TBC1D23: variants seen among roughly 807,000 people sequenced by gnomAD.
TBC1D23 encodes TBC1 domain family member 23.
Under a neutral mutation model 91.4 loss-of-function variants are expected in TBC1D23, and 55 were observed. That is an observed-to-expected ratio of 0.60 (90% CI 0.48 to 0.75). The LOEUF is 0.75. Among genes scored for constraint, TBC1D23 ranks in the 30% least tolerant of loss-of-function variants. The probability of loss-of-function intolerance (pLI) is 0.00; values close to 1 mark genes in which losing one functional copy is unlikely to be tolerated. For synonymous variants in TBC1D23, 289 were observed against 281.0 expected, an observed-to-expected ratio of 1.03 and a Z score of -0.28; for missense variants, 725 against 836.1, an observed-to-expected ratio of 0.87 and a Z score of 1.64.
intron 4 of TBC1D23, among the ~76,000 whole-genome samples, chr3:100,285,835 T>C (rs2067736933): frequency 1.3e-5 from 2 of 152,246 alleles, no homozygotes; most frequent in South Asian, 2.1e-4. Context: ...AGCATCTTTT[T>C]ATGTGTTTAT....
intron 1 of TBC1D23, among the ~76,000 whole-genome samples, chr3:100,269,324 T>C (rs1165445457): frequency 6.6e-6 from 1 of 152,250 alleles, no homozygotes. Context: ...CTGGTCCTAA[T>C]GCAAAATTTT....
intron 15 of TBC1D23, among the ~76,000 whole-genome samples, chr3:100,312,700 A>C (rs534204426): frequency 6.6e-6 from 1 of 152,142 alleles, no homozygotes; most frequent in Non-Finnish European, 1.5e-5. Context: ...TTAAAAAGAA[A>C]TTCTATAAAT....
Position 100,323,632 on chromosome 3 carries a change from GC to G in TBC1D23, c.2065del (p.Gln689ArgfsTer3). 1 of 1,537,832 alleles carries G rather than the reference GC, an allele frequency of 6.5e-7. No individual in the cohort carries two copies. The highest frequency in any genetic ancestry group is 8.7e-7 in the Non-Finnish European group (1 of 1,143,632). ...GGGATGCAACTAAAGCCATAAAACA[GC>G]AGATCATGAAAGTTTTGGATGCTTT... Reference protein sequence around the residue: ...AGDATKAIKQQIMKVLDALES With the variant: ...AGDATKAIKQXIMKVLDALES On this transcript the variant is annotated frameshift_variant, in exon 19 of 19. Transcript: ENST00000394144. LOFTEE classifies it high-confidence loss of function.
rs147544526 is a variant in TBC1D23, at chr3:100,266,563, C to A, written c.53+5492C>A. Among the ~76,000 whole-genome samples, 7 of 152,312 alleles carry A rather than the reference C, an allele frequency of 4.6e-5. No individual in the cohort carries two copies. In the East Asian group the frequency reaches 9.6e-4, roughly 21 times the overall value. On this transcript the variant is annotated intron_variant, in intron 1 of 18. Transcript: ENST00000394144. ...GGACTACAGGCATGAGCCACTGCACCCAGCCTAAAGGTAATTCTTAGGTAA... is the reference window on the plus strand; with the variant it reads ...GGACTACAGGCATGAGCCACTGCACACAGCCTAAAGGTAATTCTTAGGTAA...
chr3:100,304,530 T>C (rs1351167165), intron 11 of TBC1D23, among the ~76,000 whole-genome samples: 1 of 152,212 alleles, frequency 6.6e-6, no homozygotes, highest in African/African-American at 2.4e-5. Flanking sequence ...AAAATCACTC[T>C]GATTACATCC....
At position 100,319,919 on chromosome 3, in the gene TBC1D23, A is replaced by G. The variant is rs139796955; in HGVS notation, c.1823+715A>G. Among the ~76,000 whole-genome samples the G allele has an allele frequency of 4.7e-3, 713 of 152,186 alleles. 2 individuals carry two copies. The highest frequency in any genetic ancestry group is 6.4e-3 in the Non-Finnish European group (433 of 68,026). ...TATGAGCATTCTCCTGCACAACTTCAATGCCATTACCCCACCTAAAAATTT... is the reference window on the plus strand; with the variant it reads ...TATGAGCATTCTCCTGCACAACTTCGATGCCATTACCCCACCTAAAAATTT... On this transcript the variant is annotated intron_variant, in intron 17 of 18. Coordinates refer to ENST00000394144, the MANE Select transcript of TBC1D23 (RefSeq NM_001199198.3).
intron 1 of TBC1D23, among the ~76,000 whole-genome samples, chr3:100,278,557 T>A (rs553827817): frequency 1.1e-4 from 16 of 152,236 alleles, no homozygotes; most frequent in African/African-American, 3.9e-4. Flanking sequence ...GCTAATTTTT[T>A]GTGTTTTTAG....
intron 2 of TBC1D23, 125 bp from the exon 3 acceptor site, chr3:100,281,617 G>A (rs2067695355): frequency 1.7e-6 from 1 of 591,594 alleles, no homozygotes; most frequent in Non-Finnish European, 3.0e-6. Flanking sequence ...ATTTGGTGGA[G>A]TATGGATACC....
chr3:100,319,473 G>A (rs1304714548), intron 17 of TBC1D23, among the ~76,000 whole-genome samples: 1 of 151,858 alleles, frequency 6.6e-6, no homozygotes, highest in African/African-American at 2.4e-5. Context: ...TTGTTGCCCA[G>A]GCTGGAGTGT....
intron 1 of TBC1D23, 59 bp downstream of exon 1, chr3:100,261,130 G>C: frequency 1.3e-6 from 2 of 1,536,370 alleles, no homozygotes; most frequent in East Asian, 2.3e-5. Context: ...TCACCATCTT[G>C]CCGGTCCCCG....
intron 1 of TBC1D23, among the ~76,000 whole-genome samples, chr3:100,271,061 G>A (rs1214351290): frequency 6.6e-6 from 1 of 152,132 alleles, no homozygotes; most frequent in Non-Finnish European, 1.5e-5. Flanking sequence ...TTGATAGACT[G>A]AGAGGCTTCA....
At chr3:100,311,759 A>G (rs972380027) in intron 14 of TBC1D23, 74 bp from the exon 15 acceptor site, 4 of 991,442 alleles carry the variant, frequency 4.0e-6, no homozygotes, top group African/African-American at 1.6e-5. Context: ...AAACTGTACC[A>G]TATTTTTTGT....
intron 16 of TBC1D23, among the ~76,000 whole-genome samples, chr3:100,316,464 A>C (rs1051864853): frequency 2.6e-5 from 4 of 152,028 alleles, no homozygotes; most frequent in Admixed American, 1.3e-4. Flanking sequence ...ATAATAATAA[A>C]ATTTTAAAAA....
At chr3:100,282,739 A>G (rs1215880913) in intron 3 of TBC1D23, among the ~76,000 whole-genome samples, 1 of 152,218 alleles carries the variant, frequency 6.6e-6, no homozygotes, top group Non-Finnish European at 1.5e-5. Flanking sequence ...AAAGAATTTG[A>G]TAGTGGAGAA....
intron 1 of TBC1D23, among the ~76,000 whole-genome samples, chr3:100,271,849 A>C (rs1044330534): frequency 2.0e-5 from 3 of 152,180 alleles, no homozygotes; most frequent in Admixed American, 1.3e-4. Context: ...AGATTAACCT[A>C]ATGTTGGGAA....
intron 15 of TBC1D23, 37 bp from the exon 16 acceptor site, chr3:100,316,062 A>G: frequency 2.0e-6 from 3 of 1,471,664 alleles, no homozygotes; most frequent in Non-Finnish European, 2.9e-6. Flanking sequence ...ATAACTTCTT[A>G]AGTGATTATT....
At chr3:100,282,267 A>G (rs999561151) in intron 3 of TBC1D23, among the ~76,000 whole-genome samples, 23 of 152,202 alleles carry the variant, frequency 1.5e-4, no homozygotes, top group East Asian at 1.9e-4. Flanking sequence ...ACCTGAGATC[A>G]CACCACTGCA....
chr3:100,323,240 T>C (rs1705895475), intron 18 of TBC1D23, among the ~76,000 whole-genome samples: 1 of 152,224 alleles, frequency 6.6e-6, no homozygotes, highest in Non-Finnish European at 1.5e-5. Context: ...TTTTTGTAGC[T>C]AATTGAAGGT....
intron 17 of TBC1D23, 101 bp downstream of exon 17, chr3:100,319,305 A>C (rs934618307): frequency 4.3e-5 from 41 of 950,458 alleles, no homozygotes; most frequent in Non-Finnish European, 6.3e-5. Context: ...CTAGTACAAT[A>C]AGATATAATT....
Sources: allele counts gnomAD v4.1 joint callset (sites outside exome capture counted in the v4.1 genomes callset), GRCh38; gene constraint gnomAD v4.1.1; transcripts MANE v1.5; gene names NCBI Gene and HGNC (gene_info 2026-07-23, HGNC 2026-07-21).